HMCN2: variants seen among roughly 807,000 people sequenced by gnomAD.
HMCN2 encodes hemicentin-2.
In HMCN2, 325 loss-of-function variants were observed where a neutral mutation model predicts 377.5. That is an observed-to-expected ratio of 0.86 (90% CI 0.79 to 0.94). HMCN2 has a LOEUF of 0.94. Ranked by LOEUF, HMCN2 falls within the 40% of genes least tolerant of loss-of-function variation. HMCN2 has a pLI of 0.00. For synonymous variants in HMCN2, 2,007 were observed against 2,046.8 expected (o/e 0.98, Z 0.53); for missense variants, 4,543 against 4,725.3 (o/e 0.96, Z 1.13).
At position 130,379,470 on chromosome 9, in the gene HMCN2, G is replaced by A; in HGVS notation, c.8431+3G>A. ...GGATGAGGTGTCTGTGCTGCAAGGT[G>A]GGTCAGGGGTGCGTGAAGAAAGTGG... On this transcript the variant is annotated splice_donor_region_variant and intron_variant, in intron 54 of 97. Coordinates refer to ENST00000683500, the MANE Select transcript of HMCN2 (RefSeq NM_001291815.2). 1.0e-6 allele frequency: 1 copy of A among 985,648 alleles called. No individual in the cohort carries two copies. The highest frequency in any genetic ancestry group is 1.2e-6 in the Non-Finnish European group (1 of 829,802). 61.1% of individuals were successfully genotyped at this position (985,648 alleles called of 1,614,324 possible).
In HMCN2 at chr9:130,303,434, C is replaced by A. The variant is rs1588206566; in HGVS notation, c.1422-53C>A. 1 of 381,800 alleles carries A rather than the reference C, an allele frequency of 2.6e-6. No homozygotes were observed. The highest frequency in any genetic ancestry group is 5.6e-6 in the Non-Finnish European group (1 of 178,210). The allele number at this position is 381,800 out of a possible 1,614,324, so 23.7% of individuals were successfully genotyped here. A position where few individuals can be genotyped will look rare whatever the true frequency, so the allele number is the denominator to read the frequency against. ...TTCAGGGGACTGAAGTCGGGGGGGA[C>A]CCTGAGTGGGGGTCAGTGTGATTGT... On this transcript the variant is annotated intron_variant, in intron 9 of 97. Transcript: ENST00000683500. The surrounding 1 kb of genome is among the most constrained non-coding windows in gnomAD (Gnocchi z 5.2).
rs546907433 is a variant in HMCN2 at position 130,425,705 on chromosome 9, G to A, written c.13660G>A (p.Val4554Met). The change falls in exon 90 of 98, where the codon GTG becomes ATG. Residue 4554 changes from valine to methionine, a missense_variant. By Grantham distance (21) the Val-to-Met change is conservative. Transcript: ENST00000683500. ...LQVQDFEEHY[V>M]QTGPGQLFVG... ...CCTGCAGGACTTTGAGGAGCACTACGTGCAAACAGGGCCTGGCCAGCTGTT... is the reference window on the plus strand; with the variant it reads ...CCTGCAGGACTTTGAGGAGCACTACATGCAAACAGGGCCTGGCCAGCTGTT... 145 of 1,318,096 alleles carry A rather than the reference G, an allele frequency of 1.1e-4. No homozygotes were observed. In the African/African-American group the frequency reaches 1.3e-3, roughly 11 times the overall value. 81.7% of individuals were successfully genotyped at this position (1,318,096 alleles called of 1,614,324 possible).
intron 85 of HMCN2, among the ~76,000 whole-genome samples, chr9:130,412,796 C>G (rs1843499699): frequency 6.6e-6 from 1 of 152,062 alleles, no homozygotes; most frequent in South Asian, 2.1e-4. Context: ...AGGCTGGTCT[C>G]GAACTCCTGG....
chr9:130,340,044 G>A (rs1272178779), intron 23 of HMCN2, among the ~76,000 whole-genome samples: 1 of 152,242 alleles, frequency 6.6e-6, no homozygotes, highest in Non-Finnish European at 1.5e-5. Flanking sequence ...TGAGGGAGGG[G>A]GGCGACTCTG....
Position 130,354,817 on chromosome 9 carries a change from C to T in HMCN2, c.4919C>T (p.Ala1640Val), listed in dbSNP as rs1335290069. 2 of 1,304,204 alleles carry T rather than the reference C, an allele frequency of 1.5e-6. No individual in the cohort carries two copies. The highest frequency in any genetic ancestry group is 2.3e-5 in the Admixed American group (1 of 43,566). The allele number at this position is 1,304,204 out of a possible 1,614,324, so 80.8% of individuals were successfully genotyped here. A position where few individuals can be genotyped will look rare whatever the true frequency, so the allele number is the denominator to read the frequency against. The change falls in exon 32 of 98, where the codon GCT (alanine) becomes GTT (valine). Residue 1640 changes from alanine to valine, a missense_variant. Around this residue, in one of 5 missense-constraint regions of HMCN2, gnomAD observed 1,032 missense variants for 1,285.1 expected, o/e 0.80. Coordinates refer to ENST00000683500, the MANE Select transcript of HMCN2 (RefSeq NM_001291815.2). ...AGACCATACGTGGTGAAGGCTGTGG[C>T]TGGGAGGCCTGTGGCGCTGGAGTGC... ...GGRPYVVKAVAGRPVALECVA... is the reference protein window; with the variant it reads ...GGRPYVVKAVVGRPVALECVA...
chr9:130,355,117 CGA>C, intron 32 of HMCN2, 73 bp downstream of exon 32: 2 of 1,160,372 alleles, frequency 1.7e-6, no homozygotes, highest in South Asian at 3.0e-5. Context: ...GTGCTTGTCC[CGA>C]GAGAGCTCCT....
At chr9:130,433,297 C>T in intron 97 of HMCN2, 51 bp from the exon 98 acceptor site, 1 of 1,357,850 alleles carries the variant, frequency 7.4e-7, no homozygotes, top group Non-Finnish European at 9.5e-7. Flanking sequence ...ATGGGCCACG[C>T]TCCGACCGCA....
Position 130,349,743 on chromosome 9 carries a change from A to T in HMCN2, c.4430+80A>T, listed in dbSNP as rs540385250. ...TGGATGTGGGGGTTGGGGAAGGTTG[A>T]ACTCTTCTTGGGGAGCTGACAGGCA... On this transcript the variant is annotated intron_variant, in intron 29 of 97. Transcript: ENST00000683500. 7 of 1,238,584 alleles carry T rather than the reference A, an allele frequency of 5.7e-6. No individual in the cohort carries two copies. In the South Asian group the frequency reaches 9.6e-5, roughly 17 times the overall value. 76.7% of individuals were successfully genotyped at this position (1,238,584 alleles called of 1,614,324 possible). A position where few individuals can be genotyped will look rare whatever the true frequency, so the allele number is the denominator to read the frequency against.
intron 94 of HMCN2, chr9:130,429,955 G>C (rs74375735): frequency 0.024 from 14,964 of 631,098 alleles, 296 homozygotes; most frequent in Middle Eastern, 0.038. Context: ...ATTTCAGGAG[G>C]GGGAGGACTG....
chr9:130,297,161 C>G (rs142920453), intron 7 of HMCN2, among the ~76,000 whole-genome samples: 8 of 152,308 alleles, frequency 5.3e-5, no homozygotes, highest in African/African-American at 1.2e-4. Flanking sequence ...CTTCAGTTTT[C>G]CAGTGAACAG....
chr9:130,415,137 A>C (rs115844115), intron 85 of HMCN2, among the ~76,000 whole-genome samples: 2,317 of 152,228 alleles, frequency 0.015, 63 homozygotes, highest in African/African-American at 0.053. Context: ...TTCCACTCTC[A>C]TCTAGCAGAA....
At chr9:130,416,368 G>GTGT in intron 85 of HMCN2, among the ~76,000 whole-genome samples, 1 of 152,284 alleles carries the variant, frequency 6.6e-6, no homozygotes, top group Non-Finnish European at 1.5e-5. Context: ...GCCTCCCAAA[G>GTGT]TGTTGGGCTT....
At chr9:130,286,936 C>T (rs560134278) in intron 4 of HMCN2, among the ~76,000 whole-genome samples, 1 of 152,124 alleles carries the variant, frequency 6.6e-6, no homozygotes. Flanking sequence ...TCAGGGCTGT[C>T]CCTGCTTTCC....
rs1394296339 is a variant in HMCN2 at position 130,271,998 on chromosome 9, C to A, written c.259+5861C>A. Among the ~76,000 whole-genome samples the A allele has an allele frequency of 2.7e-5, 4 of 149,156 alleles. 1 individual carries two copies. Among genetic ancestry groups the A allele is most frequent in the Non-Finnish European group, 6.0e-5 (4 of 66,424 alleles). On this transcript the variant is annotated intron_variant, in intron 1 of 97. Transcript: ENST00000683500. ...ACCTCTTCCTGTTCCTTATCTAGAA[C>A]CTCCACGTCTAACAGTCAGAAATCT...
chr9:130,384,017 C>T (rs11244104), intron 57 of HMCN2, among the ~76,000 whole-genome samples: 53,565 of 152,084 alleles, frequency 0.35, 11,182 homozygotes, highest in East Asian at 0.71. Flanking sequence ...CTAACCTCTG[C>T]AACTCATGAC....
At chr9:130,316,191 C>T (rs891605567) in intron 15 of HMCN2, among the ~76,000 whole-genome samples, 3 of 152,276 alleles carry the variant, frequency 2.0e-5, no homozygotes, top group South Asian at 2.1e-4. Flanking sequence ...CTTGCCACCC[C>T]GTCACTGCCA....
chr9:130,335,311 G>A (rs956274540), intron 22 of HMCN2, among the ~76,000 whole-genome samples: 1 of 152,120 alleles, frequency 6.6e-6, no homozygotes, highest in African/African-American at 2.4e-5. Context: ...TTGATTGGTG[G>A]GTGTCGACAT....
chr9:130,307,835 C>T (rs1554937424), intron 14 of HMCN2, among the ~76,000 whole-genome samples: 1 of 152,140 alleles, frequency 6.6e-6, no homozygotes, highest in African/African-American at 2.4e-5. Context: ...ACCCTGGGCA[C>T]GTGACTTGGC....
rs886335404 is a variant in HMCN2, at chr9:130,371,138, T to C, written c.7237+7T>C. The stretch of plus-strand genomic sequence containing the variant: ...GACACCTACCTGCTGGCAGGTAAGA[T>C]ACCAGCTAAGGTTGGATCCTGGGAA... On this transcript the variant is annotated splice_region_variant and intron_variant, in intron 46 of 97. Transcript: ENST00000683500. 5.1e-6 allele frequency: 5 copies of C among 985,630 alleles called. No individual in the cohort carries two copies. Among genetic ancestry groups the C allele is most frequent in the Admixed American group, 6.1e-5 (1 of 16,266 alleles). The allele number at this position is 985,630 out of a possible 1,614,324, so 61.1% of individuals were successfully genotyped here.
Sources: gnomAD v4.1 joint callset for allele counts (sites outside exome capture counted in the v4.1 genomes callset) on GRCh38, gnomAD v4.1.1 for gene constraint, gnomAD v4.1.1 regional missense constraint, Gnocchi (gnomAD v3.1) non-coding constraint, MANE v1.5 for transcripts, NCBI Gene and HGNC (gene_info 2026-07-23, HGNC 2026-07-21) for gene names.